PPT2: variants seen among roughly 807,000 people sequenced by gnomAD.
PPT2 encodes the protein palmitoyl-protein thioesterase 2.
A neutral mutation model predicts 37.3 loss-of-function variants in PPT2; 20 were observed. That is an observed-to-expected ratio of 0.54 (90% CI 0.38 to 0.78). The LOEUF (loss-of-function observed/expected upper bound fraction) is 0.78, where lower values mean the gene tolerates loss of function less well. PPT2 is among the 30% of genes least tolerant of loss of function. PPT2 has a pLI of 0.00. For synonymous variants in PPT2, 135 were observed against 159.1 expected (o/e 0.85, Z 1.14); for missense variants, 270 against 389.8 (o/e 0.69, Z 2.59).
chr6:32,163,013 C>A lies in PPT2; in HGVS notation c.*63C>A. On this transcript the variant is annotated 3_prime_UTR_variant, in exon 9 of 9. Transcript: ENST00000324816. ...GAGACCAAGTGGTGGCCTTGGAAAG[C>A]AGATGTCAGGCTTTGGTGTGCCTGT... The A allele has an allele frequency of 6.6e-7, 1 of 1,514,280 alleles. No individual in the cohort carries two copies. The allele number at this position is 1,514,280 out of a possible 1,614,324, so 93.8% of individuals were successfully genotyped here. A position where few individuals can be genotyped will look rare whatever the true frequency, so the allele number is the denominator to read the frequency against.
In PPT2 at chr6:32,155,874, C is replaced by T. The variant is rs749336768; in HGVS notation, c.437C>T (p.Thr146Met). 25 of 1,613,774 alleles carry T rather than the reference C, an allele frequency of 1.5e-5. 1 individual carries two copies. The highest frequency in any genetic ancestry group is 2.2e-5 in the South Asian group (2 of 91,070). The change falls in exon 5 of 9, where the codon ACG (threonine) becomes ATG (methionine). Residue 146 changes from threonine to methionine, a missense_variant. Thr to Met is a moderately conservative substitution (Grantham distance 81). Transcript: ENST00000324816. The surrounding 1 kb of genome is among the most constrained non-coding windows in gnomAD (Gnocchi z 4.3). ...SSPQMGQYGD[T>M]DYLKWLFPTS... Reference sequence around the variant, plus strand: ...AGCATTGCCATTCGCTTGCCAGACACGGACTACTTGAAGTGGCTGTTCCCC... The same window carrying T: ...AGCATTGCCATTCGCTTGCCAGACATGGACTACTTGAAGTGGCTGTTCCCC...
upstream of PPT2, chr6:32,153,997 A>G (rs1009198057): frequency 1.6e-5 from 20 of 1,266,390 alleles, no homozygotes; most frequent in Admixed American, 1.9e-4. The surrounding 1 kb of genome is among the most constrained non-coding windows in gnomAD (Gnocchi z 4.4). Flanking sequence ...TTTCCTCCCC[A>G]GCACCTAGGG....
In PPT2 at chr6:32,162,486, C is replaced by T; in HGVS notation, c.711-82C>T. On this transcript the variant is annotated intron_variant, in intron 7 of 8. Transcript: ENST00000324816. This position sits in a 1 kb window ranked among gnomAD's most constrained non-coding sequence, Gnocchi z 5.5. ...TTGCCCTCCTTGGCCTCCCAAAGTG[C>T]TGCAATTACAGGCGTGTGCCACTGC... The T allele has an allele frequency of 7.1e-7, 1 of 1,399,238 alleles. No homozygotes were observed. Among genetic ancestry groups the T allele is most frequent in the South Asian group, 1.2e-5 (1 of 86,380 alleles). The allele number at this position is 1,399,238 out of a possible 1,614,324, so 86.7% of individuals were successfully genotyped here.
chr6:32,155,605 TGTGTGTGTGTGTGGTG>T lies in PPT2; in HGVS notation c.338-81_338-66del. ...GTCTCTGTGTGTGTGTGTGTGTGTG[TGTGTGTGTGTGTGGTG>T]GGGGTGGGGGGTGCTGCTGGCTTTG... On this transcript the variant is annotated intron_variant, in intron 3 of 8. Transcript: ENST00000324816. This position sits in a 1 kb window ranked among gnomAD's most constrained non-coding sequence, Gnocchi z 4.3. The T allele has an allele frequency of 2.3e-6, 2 of 864,992 alleles. No homozygotes were observed. The highest frequency in any genetic ancestry group is 3.8e-6 in the Non-Finnish European group (2 of 519,544). 53.6% of individuals were successfully genotyped at this position (864,992 alleles called of 1,614,324 possible).
chr6:32,161,996 G>A (rs1784192718), intron 7 of PPT2, among the ~76,000 whole-genome samples: 1 of 152,114 alleles, frequency 6.6e-6, no homozygotes, highest in Non-Finnish European at 1.5e-5. Flanking sequence ...GGGATTACAG[G>A]TGTGAGCCAC....
intron 7 of PPT2, among the ~76,000 whole-genome samples, chr6:32,158,512 A>T (rs1036029273): frequency 6.6e-6 from 1 of 152,220 alleles, no homozygotes; most frequent in Admixed American, 6.5e-5. Flanking sequence ...TGAATTGCTC[A>T]ACAAATATTT....
chr6:32,160,896 G>A (rs1295021789), intron 7 of PPT2, among the ~76,000 whole-genome samples: 5 of 150,536 alleles, frequency 3.3e-5, no homozygotes, highest in African/African-American at 7.3e-5. Flanking sequence ...GCTGAGGTAC[G>A]AGAATTGCTT....
chr6:32,162,046 A>G lies in PPT2; in HGVS notation c.711-522A>G, dbSNP rs1391291640. On this transcript the variant is annotated intron_variant, in intron 7 of 8. Coordinates refer to ENST00000324816, the MANE Select transcript of PPT2 (RefSeq NM_005155.7). This position sits in a 1 kb window ranked among gnomAD's most constrained non-coding sequence, Gnocchi z 5.5. ...AATGCATTTTTGATGGGGTTTCTAC[A>G]GAAGTGAGGTCGTATCTTCAGTGTA... Among the ~76,000 whole-genome samples the G allele has an allele frequency of 6.6e-6, 1 of 151,934 alleles. No homozygotes were observed. The highest frequency in any genetic ancestry group is 1.5e-5 in the Non-Finnish European group (1 of 67,974).
Position 32,155,179 on chromosome 6 carries a change from G to A in PPT2, c.333G>A (p.Ser111=), listed in dbSNP as rs757613513. 1.9e-6 allele frequency: 3 copies of A among 1,613,020 alleles called. No individual in the cohort carries two copies. The highest frequency in any genetic ancestry group is 2.2e-5 in the South Asian group (2 of 91,082). ...APQGVHLICY[S]QGGLVCRALL... Reference sequence around the variant, plus strand: ...AAGGGGTGCATCTCATCTGCTACTCGCAGGGTAGGCGACTCCCCTGCCCCT... The same window carrying A: ...AAGGGGTGCATCTCATCTGCTACTCACAGGGTAGGCGACTCCCCTGCCCCT... Residue 111 remains serine, a synonymous_variant, in exon 3 of 9, where the codon TCG becomes TCA. Coordinates refer to ENST00000324816, the MANE Select transcript of PPT2 (RefSeq NM_005155.7). The surrounding 1 kb of genome is among the most constrained non-coding windows in gnomAD (Gnocchi z 4.3).
intron 5 of PPT2, chr6:32,157,321 A>G (rs1233457672): frequency 2.3e-6 from 1 of 430,714 alleles, no homozygotes; most frequent in African/African-American, 2.0e-5. Context: ...CCTGGGTTCA[A>G]GTGATTCCAG....
intron 5 of PPT2, 140 bp from the exon 6 acceptor site, chr6:32,157,497 G>A: frequency 1.4e-6 from 1 of 715,294 alleles, no homozygotes; most frequent in Non-Finnish European, 2.4e-6. Flanking sequence ...ACAGGTGTGA[G>A]CCACCGCACC....
Position 32,162,769 on chromosome 6 carries a change from CTCT to C in PPT2, c.766-35_766-33del. On this transcript the variant is annotated intron_variant, in intron 8 of 8. Coordinates refer to ENST00000324816, the MANE Select transcript of PPT2 (RefSeq NM_005155.7). This position sits in a 1 kb window ranked among gnomAD's most constrained non-coding sequence, Gnocchi z 5.5. Reference sequence around the variant, plus strand: ...ACTCACTTTGTCTCTCCTTGTGTCTCTCTTCCATGCTTCCACGCCCCTTCGACC... The same window carrying C: ...ACTCACTTTGTCTCTCCTTGTGTCTCTCCATGCTTCCACGCCCCTTCGACC... The C allele has an allele frequency of 6.2e-7, 1 of 1,609,068 alleles. No individual in the cohort carries two copies. Among genetic ancestry groups the C allele is most frequent in the South Asian group, 1.1e-5 (1 of 90,668 alleles).
chr6:32,162,209 TCTTTCCTTTTTCCTTTC>T lies in PPT2; in HGVS notation c.711-347_711-331del, dbSNP rs1056798667. ...TCCTTTCTTTTTTCCTTTTCTTTTT[TCTTTCCTTTTTCCTTTC>T]CTTTCCTTTTTGAGATGGGGTCCCG... On this transcript the variant is annotated intron_variant, in intron 7 of 8. Coordinates refer to ENST00000324816, the MANE Select transcript of PPT2 (RefSeq NM_005155.7). This position sits in a 1 kb window ranked among gnomAD's most constrained non-coding sequence, Gnocchi z 5.5. 1.3e-5 allele frequency among the ~76,000 whole-genome samples: 2 copies of T among 152,174 alleles called. No individual in the cohort carries two copies. The highest frequency in any genetic ancestry group is 2.9e-5 in the Non-Finnish European group (2 of 68,030).
rs115358880 is a variant in PPT2, at chr6:32,163,272, G to A, written c.*322G>A. ...ACTTGTGGCTGCTTTTGCTGCTGCT[G>A]CTCCTCCGTATCTGGCTGTATGGGT... On this transcript the variant is annotated 3_prime_UTR_variant, in exon 9 of 9. Coordinates refer to ENST00000324816, the MANE Select transcript of PPT2 (RefSeq NM_005155.7). The A allele has an allele frequency of 1.0e-3, 348 of 347,366 alleles. 3 individuals carry two copies. Among genetic ancestry groups the A allele is most frequent in the African/African-American group, 6.4e-3 (309 of 48,090 alleles). 21.5% of individuals were successfully genotyped at this position (347,366 alleles called of 1,614,324 possible). A position where few individuals can be genotyped will look rare whatever the true frequency, so the allele number is the denominator to read the frequency against.
rs1477252875 is a variant in PPT2, at chr6:32,155,592, G to C, written c.338-96G>C. 7.9e-6 allele frequency: 6 copies of C among 754,810 alleles called. No individual in the cohort carries two copies. The highest frequency in any genetic ancestry group is 6.0e-5 in the South Asian group (4 of 66,784). 46.8% of individuals were successfully genotyped at this position (754,810 alleles called of 1,614,324 possible). On this transcript the variant is annotated intron_variant, in intron 3 of 8. Coordinates refer to ENST00000324816, the MANE Select transcript of PPT2 (RefSeq NM_005155.7). The surrounding 1 kb of genome is among the most constrained non-coding windows in gnomAD (Gnocchi z 4.3). ...TGTGTCTGTGTGTGTCTCTGTGTGT[G>C]TGTGTGTGTGTGTGTGTGTGTGTGT...
At chr6:32,159,977 C>G (rs1273771047) in intron 7 of PPT2, among the ~76,000 whole-genome samples, 1 of 151,388 alleles carries the variant, frequency 6.6e-6, no homozygotes, top group Non-Finnish European at 1.5e-5. Flanking sequence ...GCTTCGGCCT[C>G]CCAAAGTGTT....
Position 32,154,815 on chromosome 6 carries a change from C to A in PPT2, c.183+38C>A, listed in dbSNP as rs759703066. On this transcript the variant is annotated intron_variant, in intron 2 of 8. Coordinates refer to ENST00000324816, the MANE Select transcript of PPT2 (RefSeq NM_005155.7). This position sits in a 1 kb window ranked among gnomAD's most constrained non-coding sequence, Gnocchi z 7.3. ...ACACCTGGGTGCAGGGCGTTAGAGGCGTCTACTGTGGCAGGGGAGGGAGAG... is the reference window on the plus strand; with the variant it reads ...ACACCTGGGTGCAGGGCGTTAGAGGAGTCTACTGTGGCAGGGGAGGGAGAG... The A allele has an allele frequency of 1.7e-4, 274 of 1,591,166 alleles. 1 individual carries two copies. Among genetic ancestry groups the A allele is most frequent in the Non-Finnish European group, 2.1e-4 (245 of 1,164,598 alleles).
chr6:32,154,944 C>A lies in PPT2; in HGVS notation c.184-86C>A. On this transcript the variant is annotated intron_variant, in intron 2 of 8. Coordinates refer to ENST00000324816, the MANE Select transcript of PPT2 (RefSeq NM_005155.7). This position sits in a 1 kb window ranked among gnomAD's most constrained non-coding sequence, Gnocchi z 7.3. ...CGGGATCCCTGGTTCTAGCAGGGTA[C>A]AATAGACCTGTGGACGCGGGCCAGG... 1 of 1,584,886 alleles carries A rather than the reference C, an allele frequency of 6.3e-7. No homozygotes were observed. The highest frequency in any genetic ancestry group is 8.6e-7 in the Non-Finnish European group (1 of 1,158,826).
chr6:32,155,803 CA>C lies in PPT2; in HGVS notation c.433+21del. 2 of 1,610,994 alleles carry C rather than the reference CA, an allele frequency of 1.2e-6. No individual in the cohort carries two copies. The highest frequency in any genetic ancestry group is 2.7e-5 in the African/African-American group (2 of 74,950). On this transcript the variant is annotated intron_variant, in intron 4 of 8. Transcript: ENST00000324816. The surrounding 1 kb of genome is among the most constrained non-coding windows in gnomAD (Gnocchi z 4.3). Reference sequence around the variant, plus strand: ...ATGGAGGTGAGTGGGCACTAGACTCCATAGAATGCCCTGAGTTTTGGGGGAA... The same window carrying C: ...ATGGAGGTGAGTGGGCACTAGACTCCTAGAATGCCCTGAGTTTTGGGGGAA...
Sources: gnomAD v4.1 joint callset for allele counts (sites outside exome capture counted in the v4.1 genomes callset) on GRCh38, gnomAD v4.1.1 for gene constraint, Gnocchi (gnomAD v3.1) non-coding constraint, MANE v1.5 for transcripts, NCBI Gene and HGNC (gene_info 2026-07-23, HGNC 2026-07-21) for gene names.